Variants in RGL1 observed in about 807,000 individuals in gnomAD.
The protein encoded by RGL1 is ral guanine nucleotide dissociation stimulator like 1.
Under a neutral mutation model 95.2 loss-of-function variants are expected in RGL1, and 24 were observed. That is an observed-to-expected ratio of 0.25 (90% CI 0.18 to 0.35). RGL1 has a LOEUF of 0.35. Ranked by LOEUF, RGL1 falls within the 10% of genes least tolerant of loss-of-function variation. The pLI is 1.00. For missense variants in RGL1, 715 were observed against 936.3 expected (o/e 0.76, Z 3.08); for synonymous variants, 329 against 344.9 (o/e 0.95, Z 0.51).
chr1:183,698,857 A>G (rs1474325713), intron 1 of RGL1, among the ~76,000 whole-genome samples: 1 of 152,202 alleles, frequency 6.6e-6, no homozygotes, highest in Non-Finnish European at 1.5e-5. Context: ...CACGTTGTGA[A>G]TGAGTTACTT....
chr1:183,869,290 A>T (rs1341246769), intron 4 of RGL1, among the ~76,000 whole-genome samples: 2 of 152,232 alleles, frequency 1.3e-5, no homozygotes, highest in South Asian at 4.1e-4. Context: ...TACTAGGAAC[A>T]CTAATGTGAA....
At chr1:183,798,111 A>G (rs1325308820) in intron 2 of RGL1, among the ~76,000 whole-genome samples, 2 of 152,164 alleles carry the variant, frequency 1.3e-5, no homozygotes, top group African/African-American at 2.4e-5. Context: ...AGTAGAGGCA[A>G]TTTGTGCTCA....
intron 1 of RGL1, among the ~76,000 whole-genome samples, chr1:183,644,755 A>G (rs187955073): frequency 2.6e-5 from 4 of 152,312 alleles, no homozygotes; most frequent in Admixed American, 1.3e-4. Flanking sequence ...GATTGCTTAT[A>G]CTATGAATAA....
intron 2 of RGL1, among the ~76,000 whole-genome samples, chr1:183,748,648 T>C (rs1490735601): frequency 4.6e-5 from 7 of 152,192 alleles, no homozygotes; most frequent in Admixed American, 4.6e-4. Context: ...CCTCGTGATC[T>C]GCCTGCCTCG....
intron 7 of RGL1, among the ~76,000 whole-genome samples, chr1:183,887,423 T>C (rs1455627609): frequency 6.6e-6 from 1 of 152,002 alleles, no homozygotes; most frequent in East Asian, 1.9e-4. Context: ...GTGAAATGAT[T>C]CTCGAAGTGA....
chr1:183,836,399 C>T (rs111928207), intron 2 of RGL1, among the ~76,000 whole-genome samples: 4,880 of 151,702 alleles, frequency 0.032, 289 homozygotes, highest in African/African-American at 0.11. Flanking sequence ...TACAGGCACC[C>T]GCCATCACAC....
At chr1:183,748,747 G>A (rs1002003884) in intron 2 of RGL1, among the ~76,000 whole-genome samples, 5 of 152,002 alleles carry the variant, frequency 3.3e-5, no homozygotes, top group Admixed American at 6.6e-5. Context: ...GCTTTCTCCC[G>A]TGGGCATTTA....
At position 183,752,761 on chromosome 1, in the gene RGL1, T is replaced by G. The variant is rs1658104114; in HGVS notation, c.132+10472T>G. Among the ~76,000 whole-genome samples the G allele has an allele frequency of 2.0e-5, 3 of 151,174 alleles. No homozygotes were observed. The East Asian group carries it at 5.9e-4, about 30-fold the overall frequency. On this transcript the variant is annotated intron_variant, in intron 2 of 18. Coordinates refer to the RGL1 transcript ENST00000304685. ...TCTTTATTTTGTGTGCTTCTCAGAG[T>G]GATAGTTTAGATGACTATAGAATTA...
chr1:183,742,787 A>G (rs1488157048), intron 2 of RGL1, among the ~76,000 whole-genome samples: 1 of 152,082 alleles, frequency 6.6e-6, no homozygotes, highest in African/African-American at 2.4e-5. Flanking sequence ...TATTCTTTCA[A>G]TGGAAATTAT....
intron 2 of RGL1, among the ~76,000 whole-genome samples, chr1:183,794,162 G>A (rs961045587): frequency 6.6e-6 from 1 of 151,998 alleles, no homozygotes; most frequent in Non-Finnish European, 1.5e-5. Context: ...CTAGAGGTCA[G>A]TATGTTAAGT....
intron 2 of RGL1, among the ~76,000 whole-genome samples, chr1:183,744,336 T>G (rs934723578): frequency 6.6e-6 from 1 of 150,532 alleles, no homozygotes; most frequent in East Asian, 2.0e-4. Context: ...TTTAAAGAAA[T>G]AAACTCCACA....
At chr1:183,854,506 G>A (rs1572507395) in intron 3 of RGL1, among the ~76,000 whole-genome samples, 1 of 152,306 alleles carries the variant, frequency 6.6e-6, no homozygotes, top group Admixed American at 6.5e-5. Context: ...AGCTGCCTTT[G>A]TTAGTGCAAC....
intron 1 of RGL1, among the ~76,000 whole-genome samples, chr1:183,688,964 C>T (rs12088165): frequency 0.081 from 12,330 of 152,140 alleles, 921 homozygotes; most frequent in African/African-American, 0.2. Flanking sequence ...AGGTAAATGA[C>T]ACAGGAATGG....
At chr1:183,843,975 G>A (rs534974337) in intron 2 of RGL1, among the ~76,000 whole-genome samples, 4 of 152,204 alleles carry the variant, frequency 2.6e-5, no homozygotes, top group South Asian at 2.1e-4. Flanking sequence ...CTACAGGCAC[G>A]CACATTACAC....
At chr1:183,805,949 CTTTTTCT>C (rs1661267340) in intron 1 of RGL1, among the ~76,000 whole-genome samples, 7 of 56,590 alleles carry the variant, frequency 1.2e-4, no homozygotes, top group African/African-American at 4.0e-4. Flanking sequence ...TTCTTTTTTT[CTTTTTCT>C]TTTTCTTTTC....
chr1:183,758,589 A>G (rs1255331723), intron 2 of RGL1, among the ~76,000 whole-genome samples: 1 of 152,072 alleles, frequency 6.6e-6, no homozygotes, highest in Non-Finnish European at 1.5e-5. Flanking sequence ...TCCTTCTCTG[A>G]GTTACAGATG....
chr1:183,668,003 A>ATATGTG (rs1257587933), intron 1 of RGL1, among the ~76,000 whole-genome samples: 9 of 135,152 alleles, frequency 6.7e-5, no homozygotes, highest in African/African-American at 2.2e-4. Context: ...GCTTATATAT[A>ATATGTG]TGTGTGTGTG....
At chr1:183,913,410 G>T (rs181893499) in intron 15 of RGL1, among the ~76,000 whole-genome samples, 1 of 151,908 alleles carries the variant, frequency 6.6e-6, no homozygotes, top group East Asian at 1.9e-4. Context: ...TGGCCAGGTT[G>T]GTCTCACACC....
At chr1:183,679,976 G>A (rs1653102268) in intron 1 of RGL1, among the ~76,000 whole-genome samples, 1 of 152,140 alleles carries the variant, frequency 6.6e-6, no homozygotes, top group Non-Finnish European at 1.5e-5. Flanking sequence ...GTGATGATGA[G>A]CTTTTTTTTC....
Sources: gnomAD v4.1 joint callset for allele counts (sites outside exome capture counted in the v4.1 genomes callset) on GRCh38, gnomAD v4.1.1 for gene constraint, MANE v1.5 for transcripts, NCBI Gene and HGNC (gene_info 2026-07-23, HGNC 2026-07-21) for gene names.